The following CRYBG2 variants were observed in gnomAD, a reference collection of about 807,000 sequenced individuals.
The protein encoded by CRYBG2 is crystallin beta-gamma domain containing 2, also known as beta/gamma crystallin domain-containing protein 2.
CRYBG2 carries 106 observed loss-of-function variants against 153.4 expected under a neutral mutation model. That is an observed-to-expected ratio of 0.69 (90% confidence interval 0.59 to 0.81). The LOEUF (loss-of-function observed/expected upper bound fraction) is 0.81. Ranked by LOEUF, CRYBG2 falls within the 30% of genes least tolerant of loss-of-function variation. CRYBG2 has a pLI of 0.00. For missense variants in CRYBG2, 1,996 were observed against 2,112.0 expected, an observed-to-expected ratio of 0.95 and a Z score of 1.08; for synonymous variants, 851 against 877.8, an observed-to-expected ratio of 0.97 and a Z score of 0.54.
intron 14 of CRYBG2, among the ~76,000 whole-genome samples, chr1:26,335,368 T>C (rs562882595): frequency 1.8e-4 from 27 of 152,188 alleles, no homozygotes; most frequent in Admixed American, 3.9e-4. Flanking sequence ...CCCAGCTACT[T>C]GGGAAGGCTG....
At chr1:26,333,469 G>A (rs575874525) in intron 14 of CRYBG2, among the ~76,000 whole-genome samples, 50 of 152,200 alleles carry the variant, frequency 3.3e-4, no homozygotes, top group Middle Eastern at 6.8e-3. Flanking sequence ...AAGAGGCTGA[G>A]GCAGGAGAGT....
chr1:26,340,803 G>T (rs2074119165), intron 5 of CRYBG2, among the ~76,000 whole-genome samples: 1 of 151,744 alleles, frequency 6.6e-6, no homozygotes, highest in Non-Finnish European at 1.5e-5. Context: ...TTTTAGTAGA[G>T]ACAGGGTTTC....
chr1:26,344,814 T>G lies in CRYBG2; in HGVS notation c.1844A>C (p.Glu615Ala). The stretch of plus-strand genomic sequence containing the variant: ...AGGAGCACCAGACCCCTGCACCACC[T>G]CCTTCTGGGTGGGAGATGAGGCAGC... ...APAASSPTQKEVVQGSGAPAA... is the reference protein window; with the variant it reads ...APAASSPTQKAVVQGSGAPAA... The change falls in exon 2 of 20, where the codon GAG becomes GCG. Residue 615 changes from glutamate (E) to alanine (A), a missense_variant. Physicochemically the swap from Glu to Ala is moderately radical, Grantham distance 107. Transcript: ENST00000308182. 1 of 1,534,714 alleles carries G rather than the reference T, an allele frequency of 6.5e-7. No homozygotes were observed. Among genetic ancestry groups the G allele is most frequent in the South Asian group, 1.2e-5 (1 of 83,920 alleles).
intron 14 of CRYBG2, among the ~76,000 whole-genome samples, chr1:26,332,175 C>T (rs565877658): frequency 6.5e-4 from 98 of 151,790 alleles, no homozygotes; most frequent in Non-Finnish European, 9.1e-4. Context: ...GGCGTGGTGG[C>T]GGGCACCTGT....
Position 26,336,521 on chromosome 1 carries a change from C to T in CRYBG2, c.4038+85G>A. ...CAAGCGCCCAGGCAGGTCCTCCAGC[C>T]CGCTACCTCTGCGTGGGGGCGGGGC... On this transcript the variant is annotated intron_variant, in intron 12 of 19. Coordinates refer to ENST00000308182, the MANE Select transcript of CRYBG2 (RefSeq NM_001039775.4). The surrounding 1 kb of genome is among the most constrained non-coding windows in gnomAD (Gnocchi z 4.9). 1.3e-6 allele frequency: 2 copies of T among 1,544,234 alleles called. No homozygotes were observed. The highest frequency in any genetic ancestry group is 1.7e-6 in the Non-Finnish European group (2 of 1,143,856).
rs911172587 is a variant in CRYBG2, at chr1:26,324,300, T to C, written c.4589A>G (p.Tyr1530Cys). The C allele has an allele frequency of 1.2e-6, 2 of 1,606,294 alleles. No individual in the cohort carries two copies. The highest frequency in any genetic ancestry group is 1.7e-6 in the Non-Finnish European group (2 of 1,178,748). The change falls in exon 18 of 20, where the codon TAT (tyrosine) becomes TGT (cysteine). Residue 1530 changes from tyrosine to cysteine, a missense_variant. Physicochemically the swap from Tyr to Cys is radical, Grantham distance 194 (BLOSUM62 -2). Coordinates refer to ENST00000308182, the MANE Select transcript of CRYBG2 (RefSeq NM_001039775.4). ...SLYPIKQRRV[Y>C]FRLWNAALGG... ...CAGTGCTGCATTCCAGAGGCGGAAA[T>C]AAACCCGGCGCTGGTGGCAGAAAGA... is the stretch of plus-strand genomic sequence containing the variant.
chr1:26,347,117 G>A (rs1462247926), intron 1 of CRYBG2, among the ~76,000 whole-genome samples: 4 of 152,110 alleles, frequency 2.6e-5, no homozygotes, highest in South Asian at 2.1e-4. Flanking sequence ...CTGGGCAAGC[G>A]TTGTTCTAAC....
chr1:26,337,485 C>T, intron 9 of CRYBG2, 53 bp downstream of exon 9: 5 of 1,605,120 alleles, frequency 3.1e-6, no homozygotes, highest in Non-Finnish European at 4.3e-6. Flanking sequence ...TCCCCACTCC[C>T]AAGGGTAAAG....
rs1352857534 is a variant in CRYBG2 at position 26,337,395 on chromosome 1, G to C, written c.3645-16C>G. 7 of 1,612,198 alleles carry C rather than the reference G, an allele frequency of 4.3e-6. No homozygotes were observed. Among genetic ancestry groups the C allele is most frequent in the Non-Finnish European group, 5.1e-6 (6 of 1,178,954 alleles). ...GCCCACCCAGCTGGGAAAAGCAGGAGGACAGACAGGCAGGTTCAGTCATAG... is the reference window on the plus strand; with the variant it reads ...GCCCACCCAGCTGGGAAAAGCAGGACGACAGACAGGCAGGTTCAGTCATAG... On this transcript the variant is annotated splice_polypyrimidine_tract_variant and intron_variant, in intron 9 of 19. Transcript: ENST00000308182.
chr1:26,337,418 T>C (rs752839184), intron 9 of CRYBG2, 39 bp from the exon 10 acceptor site: 33 of 1,607,594 alleles, frequency 2.1e-5, no homozygotes, highest in Non-Finnish European at 2.5e-5. Context: ...GGTTCAGTCA[T>C]AGGAGGCCCA....
In CRYBG2 at chr1:26,345,882, C is replaced by T. The variant is rs2074210191; in HGVS notation, c.776G>A (p.Gly259Asp). The change falls in exon 2 of 20, where the codon GGC (glycine) becomes GAC (aspartate). Residue 259 changes from glycine to aspartate, a missense_variant. Transcript: ENST00000308182. ...GCCCAGACCTGTGCTCCTTGGCCCG[C>T]CAGCCGTGGGCCTGGGCAGGTGACT... ...PASHLPRPTA[G>D]GPRSTGLGST... The T allele has an allele frequency of 6.3e-7, 1 of 1,597,538 alleles. No homozygotes were observed. Among genetic ancestry groups the T allele is most frequent in the Non-Finnish European group, 8.5e-7 (1 of 1,179,552 alleles).
Position 26,336,015 on chromosome 1 carries a change from GA to G in CRYBG2, c.4184+79del, listed in dbSNP as rs2074048749. On this transcript the variant is annotated intron_variant, in intron 14 of 19. Transcript: ENST00000308182. This position sits in a 1 kb window ranked among gnomAD's most constrained non-coding sequence, Gnocchi z 4.9. ...TTCATCGCAAGGTAGCCAAAGGAAGGAAATCATTTGAAAGACTCTCCTCCTG... is the reference window on the plus strand; with the variant it reads ...TTCATCGCAAGGTAGCCAAAGGAAGGAATCATTTGAAAGACTCTCCTCCTG... 8.4e-7 allele frequency: 1 copy of G among 1,190,348 alleles called. No homozygotes were observed. Among genetic ancestry groups the G allele is most frequent in the African/African-American group, 1.6e-5 (1 of 64,454 alleles). 73.7% of individuals were successfully genotyped at this position (1,190,348 alleles called of 1,614,324 possible).
chr1:26,336,548 C>G lies in CRYBG2; in HGVS notation c.4038+58G>C. 1 of 1,540,578 alleles carries G rather than the reference C, an allele frequency of 6.5e-7. No homozygotes were observed. The highest frequency in any genetic ancestry group is 1.2e-5 in the South Asian group (1 of 83,318). On this transcript the variant is annotated intron_variant, in intron 12 of 19. Transcript: ENST00000308182. This position sits in a 1 kb window ranked among gnomAD's most constrained non-coding sequence, Gnocchi z 4.9. ...GCTACCTCTGCGTGGGGGCGGGGCGCACCCGAACTCCAGGTCCCGCCACCG... is the reference window on the plus strand; with the variant it reads ...GCTACCTCTGCGTGGGGGCGGGGCGGACCCGAACTCCAGGTCCCGCCACCG...
chr1:26,331,469 A>T lies in CRYBG2; in HGVS notation c.4314+20T>A. On this transcript the variant is annotated intron_variant, in intron 15 of 19. Coordinates refer to ENST00000308182, the MANE Select transcript of CRYBG2 (RefSeq NM_001039775.4). ...AACTTCTGCTTCCGGGATTGCCTGG[A>T]ACCAGACATGGAAACTCACCAGGGA... is the stretch of plus-strand genomic sequence containing the variant. The T allele has an allele frequency of 6.2e-7, 1 of 1,602,446 alleles. No individual in the cohort carries two copies. The highest frequency in any genetic ancestry group is 8.5e-7 in the Non-Finnish European group (1 of 1,170,916).
chr1:26,344,275 AC>A lies in CRYBG2; in HGVS notation c.2382del (p.Ser795ProfsTer45), dbSNP rs2074172507. The A allele has an allele frequency of 6.5e-7, 1 of 1,529,800 alleles. No homozygotes were observed. The highest frequency in any genetic ancestry group is 8.8e-7 in the Non-Finnish European group (1 of 1,142,200). 94.8% of individuals were successfully genotyped at this position (1,529,800 alleles called of 1,614,324 possible). A position where few individuals can be genotyped will look rare whatever the true frequency, so the allele number is the denominator to read the frequency against. ...RLPRAPRSSYLSMYATLPAIE... is the reference protein window; with the variant it reads ...RLPRAPRSSYXSMYATLPAIE... Reference sequence around the variant, plus strand: ...ATGGCAGGCAGCGTGGCGTACATGGACAGGTAGGAGGAGCGAGGGGCTCGTG... The same window carrying A: ...ATGGCAGGCAGCGTGGCGTACATGGAAGGTAGGAGGAGCGAGGGGCTCGTG... On this transcript the variant is annotated frameshift_variant, in exon 2 of 20. Coordinates refer to ENST00000308182, the MANE Select transcript of CRYBG2 (RefSeq NM_001039775.4). LOFTEE classifies it high-confidence loss of function.
chr1:26,326,334 G>A (rs1299394952), intron 17 of CRYBG2, among the ~76,000 whole-genome samples: 1 of 151,886 alleles, frequency 6.6e-6, no homozygotes, highest in Admixed American at 6.6e-5. Flanking sequence ...TCAGGAGATC[G>A]AGACCATCCT....
At position 26,342,777 on chromosome 1, in the gene CRYBG2, C is replaced by T. The variant is rs746670731; in HGVS notation, c.3181G>A (p.Gly1061Ser). 1.4e-5 allele frequency: 23 copies of T among 1,613,866 alleles called. No individual in the cohort carries two copies. Among genetic ancestry groups the T allele is most frequent in the South Asian group, 3.3e-5 (3 of 91,090 alleles). The part of the protein sequence containing the change: ...PGTKWSPQGI[G>S]SLRRVVWDYS... ...ACCCAGACAACCCTCCTTAGGGAGC[C>T]GATGCCTTGGGGACTCCACTTTGTC... The change falls in exon 5 of 20, where the codon GGC (glycine) becomes AGC (serine). Residue 1061 changes from glycine to serine, a missense_variant. Gly to Ser is a moderately conservative substitution (Grantham distance 56, BLOSUM62 0). Coordinates refer to ENST00000308182, the MANE Select transcript of CRYBG2 (RefSeq NM_001039775.4).
intron 14 of CRYBG2, among the ~76,000 whole-genome samples, chr1:26,331,875 C>A (rs2074000728): frequency 6.6e-6 from 1 of 152,164 alleles, no homozygotes; most frequent in East Asian, 1.9e-4. Context: ...CAATCTCATA[C>A]CTAGGAATCC....
At chr1:26,333,059 C>A in intron 14 of CRYBG2, among the ~76,000 whole-genome samples, 1 of 62,608 alleles carries the variant, frequency 1.6e-5, no homozygotes. Context: ...TTTCTAACAG[C>A]GGGAGAGAGG....
Sources: gnomAD v4.1 joint callset for allele counts (sites outside exome capture counted in the v4.1 genomes callset) on GRCh38, gnomAD v4.1.1 for gene constraint, Gnocchi (gnomAD v3.1) non-coding constraint, MANE v1.5 for transcripts, NCBI Gene and HGNC (gene_info 2026-07-23, HGNC 2026-07-21) for gene names.